TUBGCP4: variants seen among roughly 807,000 people sequenced by gnomAD.
TUBGCP4 encodes gamma-tubulin complex component 4.
Under a neutral mutation model 91.6 loss-of-function variants are expected in TUBGCP4, and 54 were observed. That is an observed-to-expected ratio of 0.59 (90% CI 0.47 to 0.74). The LOEUF is 0.74. TUBGCP4 is among the 30% of genes least tolerant of loss of function. TUBGCP4 has a pLI of 0.00. For synonymous variants in TUBGCP4, 297 were observed against 302.8 expected (o/e 0.98, Z 0.20); for missense variants, 593 against 800.9 (o/e 0.74, Z 3.13).
In TUBGCP4 at chr15:43,377,856, CT is replaced by C; in HGVS notation, c.399del (p.Ser135LeufsTer2). The C allele has an allele frequency of 1.2e-6, 2 of 1,605,468 alleles. No homozygotes were observed. The highest frequency in any genetic ancestry group is 1.7e-5 in the Admixed American group (1 of 57,572). ...VNYFLDQFQL[L>X]FPSVMVVVEQ... ...ATTCTCTACTTTGCAGTTCCAGCTTCTTTTTCCCTCTGTGATGGTTGTAGTA... is the reference window on the plus strand; with the variant it reads ...ATTCTCTACTTTGCAGTTCCAGCTTCTTTTCCCTCTGTGATGGTTGTAGTA... On this transcript the variant is annotated frameshift_variant, in exon 5 of 18. Transcript: ENST00000564079. LOFTEE classifies it high-confidence loss of function.
chr15:43,389,062 C>G (rs538719934), intron 9 of TUBGCP4, among the ~76,000 whole-genome samples: 1 of 152,272 alleles, frequency 6.6e-6, no homozygotes, highest in Non-Finnish European at 1.5e-5. Context: ...TGGCAACACT[C>G]AGTTCGTTCC....
intron 1 of TUBGCP4, among the ~76,000 whole-genome samples, chr15:43,375,555 TA>T (rs2044192912): frequency 6.6e-6 from 1 of 152,204 alleles, no homozygotes; most frequent in Non-Finnish European, 1.5e-5. Context: ...AATACAAATG[TA>T]AATATGGACA....
chr15:43,398,926 A>G (rs2044624799), intron 13 of TUBGCP4, among the ~76,000 whole-genome samples: 2 of 152,256 alleles, frequency 1.3e-5, no homozygotes, highest in Admixed American at 1.3e-4. Flanking sequence ...TGAAAAAGGC[A>G]TATTTCAACA....
chr15:43,390,599 T>C (rs1173175488), intron 9 of TUBGCP4, among the ~76,000 whole-genome samples: 1 of 150,682 alleles, frequency 6.6e-6, no homozygotes, highest in Admixed American at 6.6e-5. Flanking sequence ...AGCCTCCACC[T>C]CCCAGGTTCA....
At chr15:43,401,233 C>A (rs1297602681) in intron 14 of TUBGCP4, among the ~76,000 whole-genome samples, 1 of 150,436 alleles carries the variant, frequency 6.6e-6, no homozygotes, top group Non-Finnish European at 1.5e-5. Context: ...AACAGATCAC[C>A]TGAGGTCAGG....
rs2045039454 is a variant in TUBGCP4 at position 43,409,475 on chromosome 15, C to A, written c.*4261C>A. The A allele has an allele frequency of 1.9e-6, 1 of 529,014 alleles. No individual in the cohort carries two copies. The highest frequency in any genetic ancestry group is 1.9e-5 in the African/African-American group (1 of 52,624). 32.8% of individuals were successfully genotyped at this position (529,014 alleles called of 1,614,324 possible). A position where few individuals can be genotyped will look rare whatever the true frequency, so the allele number is the denominator to read the frequency against. On this transcript the variant is annotated 3_prime_UTR_variant, in exon 18 of 18. Coordinates refer to ENST00000564079, the MANE Select transcript of TUBGCP4 (RefSeq NM_014444.5). ...AACCCAAGGTCCTACCTTCTCTTCC[C>A]TATACACAACAAAAATTCTATTTCA... is the stretch of plus-strand genomic sequence containing the variant.
rs1595513257 is a variant in TUBGCP4 at position 43,407,682 on chromosome 15, T to C, written c.*2468T>C. The C allele has an allele frequency of 7.5e-6, 8 of 1,070,644 alleles. No homozygotes were observed. The highest frequency in any genetic ancestry group is 1.1e-5 in the Non-Finnish European group (8 of 749,704). The allele number at this position is 1,070,644 out of a possible 1,614,324, so 66.3% of individuals were successfully genotyped here. A position where few individuals can be genotyped will look rare whatever the true frequency, so the allele number is the denominator to read the frequency against. On this transcript the variant is annotated 3_prime_UTR_variant, in exon 18 of 18. Transcript: ENST00000564079. ...TCCCACTCTGCACAAACCAAAGCCC[T>C]ATTATGTCAAACACACTGCTACTGA...
chr15:43,397,312 G>A lies in TUBGCP4; in HGVS notation c.1270G>A (p.Glu424Lys). The A allele has an allele frequency of 6.2e-7, 1 of 1,613,776 alleles. No individual in the cohort carries two copies. The highest frequency in any genetic ancestry group is 1.1e-5 in the South Asian group (1 of 91,058). ...LHLTIEYHGKEHKDATQAREG... is the reference protein window; with the variant it reads ...LHLTIEYHGKKHKDATQAREG... ...CTTGACAATCGAGTATCACGGAAAG[G>A]AGCACAAAGGTTTGCCATTCCTCCC... The change falls in exon 12 of 18, where the codon GAG becomes AAG. Residue 424 changes from glutamate (E) to lysine (K), a missense_variant. Glu to Lys is a moderately conservative substitution (Grantham distance 56, BLOSUM62 1). Transcript: ENST00000564079.
chr15:43,380,722 C>T (rs1001079636), intron 6 of TUBGCP4, among the ~76,000 whole-genome samples: 3 of 151,946 alleles, frequency 2.0e-5, no homozygotes, highest in Non-Finnish European at 4.4e-5. Flanking sequence ...GACTATAAAG[C>T]CACTAAAAGT....
chr15:43,373,441 G>A (rs1174780420), intron 1 of TUBGCP4, among the ~76,000 whole-genome samples: 1 of 152,152 alleles, frequency 6.6e-6, no homozygotes, highest in African/African-American at 2.4e-5. Flanking sequence ...ATATAAAATT[G>A]CTTATGTGTA....
chr15:43,380,279 A>G, intron 6 of TUBGCP4, 116 bp downstream of exon 6: 1 of 941,472 alleles, frequency 1.1e-6, no homozygotes, highest in Non-Finnish European at 1.6e-6. Context: ...GGTTATAACC[A>G]GGATAGAAAA....
At chr15:43,382,391 A>G in intron 6 of TUBGCP4, among the ~76,000 whole-genome samples, 1 of 152,098 alleles carries the variant, frequency 6.6e-6, no homozygotes, top group East Asian at 1.9e-4. Flanking sequence ...CCAGGATCCG[A>G]TCAGTGTTCA....
chr15:43,400,256 C>G lies in TUBGCP4; in HGVS notation c.1596+35C>G, dbSNP rs758472310. ...AAGAGATGAGTAGAAGGAAGGGGTA[C>G]GGAAAAACGTCTAGGAGGTTGGCAG... is the stretch of plus-strand genomic sequence containing the variant. On this transcript the variant is annotated intron_variant, in intron 14 of 17. Transcript: ENST00000564079. 10 of 1,583,860 alleles carry G rather than the reference C, an allele frequency of 6.3e-6. 1 individual carries two copies. The South Asian group carries it at 1.1e-4, about 18-fold the overall frequency.
chr15:43,388,505 T>C (rs1483154070), intron 9 of TUBGCP4, among the ~76,000 whole-genome samples: 2 of 152,222 alleles, frequency 1.3e-5, no homozygotes, highest in African/African-American at 2.4e-5. Context: ...CAACCCCGTC[T>C]ATAGGCCAAG....
At chr15:43,386,111 A>G in intron 8 of TUBGCP4, 95 bp from the exon 9 acceptor site, 3 of 1,534,378 alleles carry the variant, frequency 2.0e-6, no homozygotes, top group Non-Finnish European at 2.6e-6. Context: ...GAAGCAGGTG[A>G]AGTTGCTGCC....
At chr15:43,373,727 CAAG>C (rs2044158689) in intron 1 of TUBGCP4, among the ~76,000 whole-genome samples, 2 of 151,208 alleles carry the variant, frequency 1.3e-5, no homozygotes, top group African/African-American at 4.9e-5. Context: ...CGGCTCACTG[CAAG>C]CTCCACCTCC....
rs1334663125 is a variant in TUBGCP4 at position 43,407,243 on chromosome 15, T to C, written c.*2029T>C. On this transcript the variant is annotated 3_prime_UTR_variant, in exon 18 of 18. Transcript: ENST00000564079. ...TACAACCAAAGAGATTCAACATTTA[T>C]TTTATCATAAAAGTTCAGCAAATAA... The C allele has an allele frequency of 1.5e-5, 11 of 714,948 alleles. No homozygotes were observed. Among genetic ancestry groups the C allele is most frequent in the Middle Eastern group, 3.6e-4 (1 of 2,812 alleles). The allele number at this position is 714,948 out of a possible 1,614,324, so 44.3% of individuals were successfully genotyped here.
In TUBGCP4 at chr15:43,407,265, A is replaced by G; in HGVS notation, c.*2051A>G. 4.8e-6 allele frequency: 4 copies of G among 827,580 alleles called. No individual in the cohort carries two copies. In the South Asian group the frequency reaches 5.6e-5, roughly 12 times the overall value. 51.3% of individuals were successfully genotyped at this position (827,580 alleles called of 1,614,324 possible). ...TTATTTTATCATAAAAGTTCAGCAA[A>G]TAAAACTATATACAAGATCCATGCA... On this transcript the variant is annotated 3_prime_UTR_variant, in exon 18 of 18. Transcript: ENST00000564079.
intron 17 of TUBGCP4, 119 bp downstream of exon 17, chr15:43,404,671 T>C (rs1429356646): frequency 9.3e-7 from 1 of 1,071,530 alleles, no homozygotes; most frequent in East Asian, 2.5e-5. Context: ...AAGTAAGGCT[T>C]AGAGATAGAG....
Sources: gnomAD v4.1 joint callset for allele counts (sites outside exome capture counted in the v4.1 genomes callset) on GRCh38, gnomAD v4.1.1 for gene constraint, MANE v1.5 for transcripts, NCBI Gene and HGNC (gene_info 2026-07-23, HGNC 2026-07-21) for gene names.